The following PTCHD4 variants were observed in gnomAD, a reference collection of about 807,000 sequenced individuals.
PTCHD4 encodes the protein patched domain-containing protein 4.
In PTCHD4, 33 loss-of-function variants were observed where a neutral mutation model predicts 58.1. The ratio of observed to expected loss-of-function variants is 0.57; its 90% CI spans 0.43 to 0.76. The LOEUF (loss-of-function observed/expected upper bound fraction) is 0.76, where lower values mean the gene tolerates loss of function less well. Among genes scored for constraint, PTCHD4 ranks in the 30% least tolerant of loss-of-function variants. The pLI is 0.00. For missense variants in PTCHD4, 1,058 were observed against 1,027.1 expected (o/e 1.03, Z -0.41); for synonymous variants, 478 against 409.6 (o/e 1.17, Z -2.02).
At position 47,912,415 on chromosome 6, in the gene PTCHD4, A is replaced by G. The variant is rs183936901; in HGVS notation, c.899-32479T>C. 2.7e-3 allele frequency among the ~76,000 whole-genome samples: 409 copies of G among 152,226 alleles called. 1 individual carries two copies. The highest frequency in any genetic ancestry group is 3.1e-3 in the Non-Finnish European group (214 of 67,988). ...ACATTTTGAGTAGGAGAATTCTGTA[A>G]AACTGGCCTTGCCAATGCATTACAA... On this transcript the variant is annotated intron_variant, in intron 4 of 4. Coordinates refer to ENST00000339488, the MANE Select transcript of PTCHD4 (RefSeq NM_001384253.1).
chr6:47,891,852 A>C (rs1764391261), intron 4 of PTCHD4, among the ~76,000 whole-genome samples: 1 of 152,076 alleles, frequency 6.6e-6, no homozygotes, highest in African/African-American at 2.4e-5. Context: ...GTATTTTATA[A>C]CAAATATTTT....
At chr6:48,035,858 C>A (rs1763613803) in intron 3 of PTCHD4, among the ~76,000 whole-genome samples, 1 of 152,066 alleles carries the variant, frequency 6.6e-6, no homozygotes, top group Admixed American at 6.6e-5. Flanking sequence ...TCATAAACAC[C>A]CGTCCTGCTC....
intron 4 of PTCHD4, among the ~76,000 whole-genome samples, chr6:48,007,709 G>A (rs1762496748): frequency 6.6e-6 from 1 of 152,188 alleles, no homozygotes; most frequent in South Asian, 2.1e-4. Flanking sequence ...TATGAAGACT[G>A]TCTTGCTCAT....
At chr6:48,087,954 CTAACT>C (rs1330204424) in intron 1 of PTCHD4, among the ~76,000 whole-genome samples, 2 of 152,066 alleles carry the variant, frequency 1.3e-5, no homozygotes, top group Non-Finnish European at 2.9e-5. Flanking sequence ...ATAAAAACAA[CTAACT>C]TATCAGTAAG....
chr6:48,014,312 G>T (rs1238647980), intron 3 of PTCHD4, among the ~76,000 whole-genome samples: 1 of 152,062 alleles, frequency 6.6e-6, no homozygotes, highest in Admixed American at 6.6e-5. Context: ...AGGGATTATA[G>T]AAGAGTTTAT....
chr6:47,981,732 C>T (rs544542753), intron 4 of PTCHD4, among the ~76,000 whole-genome samples: 4 of 152,272 alleles, frequency 2.6e-5, no homozygotes, highest in South Asian at 2.1e-4. Context: ...TAAAATCTCC[C>T]TCACTAAATC....
At chr6:47,895,798 T>A (rs1407887277) in intron 4 of PTCHD4, among the ~76,000 whole-genome samples, 2 of 152,050 alleles carry the variant, frequency 1.3e-5, no homozygotes, top group African/African-American at 4.8e-5. Flanking sequence ...TTTTGCCACA[T>A]ACCCATACTT....
intron 3 of PTCHD4, among the ~76,000 whole-genome samples, chr6:48,044,532 C>G (rs1264232447): frequency 6.6e-6 from 1 of 151,756 alleles, no homozygotes; most frequent in African/African-American, 2.4e-5. Flanking sequence ...GATTGAGTGA[C>G]ACTGTGTTTT....
At position 47,856,987 on chromosome 6, in the gene PTCHD4, G is replaced by A. The variant is rs1763323397; in HGVS notation, c.*21316C>T. Among the ~76,000 whole-genome samples, 1 of 152,032 alleles carries A rather than the reference G, an allele frequency of 6.6e-6. No individual in the cohort carries two copies. The highest frequency in any genetic ancestry group is 1.9e-4 in the East Asian group (1 of 5,162). ...TGGTAATGAATCAAAACTGCCAAAA[G>A]CTGAAGCATGACAACATTGATGATC... On this transcript the variant is annotated 3_prime_UTR_variant, in exon 5 of 5. Transcript: ENST00000339488.
intron 4 of PTCHD4, among the ~76,000 whole-genome samples, chr6:47,921,800 A>G (rs978210825): frequency 6.6e-5 from 10 of 152,106 alleles, no homozygotes; most frequent in Non-Finnish European, 1.5e-4. Context: ...AGAGAAGAAT[A>G]CATTTTTATT....
intron 4 of PTCHD4, among the ~76,000 whole-genome samples, chr6:47,892,546 T>C (rs1230700482): frequency 6.6e-6 from 1 of 152,238 alleles, no homozygotes; most frequent in East Asian, 1.9e-4. Flanking sequence ...GGAGATCTTT[T>C]ATCCTATAAA....
intron 3 of PTCHD4, among the ~76,000 whole-genome samples, chr6:48,021,373 T>C (rs1763065402): frequency 6.6e-6 from 1 of 152,108 alleles, no homozygotes; most frequent in African/African-American, 2.4e-5. Context: ...TGGTGTTTTC[T>C]TTTCAAAGAA....
At chr6:48,054,292 A>G (rs530117910) in intron 3 of PTCHD4, among the ~76,000 whole-genome samples, 53 of 152,334 alleles carry the variant, frequency 3.5e-4, no homozygotes, top group African/African-American at 1.3e-3. Flanking sequence ...TATAGTCCTT[A>G]ACAAAGCAAT....
chr6:48,017,210 A>T (rs1402807753), intron 3 of PTCHD4, among the ~76,000 whole-genome samples: 3 of 152,142 alleles, frequency 2.0e-5, no homozygotes, highest in African/African-American at 2.4e-5. Context: ...AAATGAAAAT[A>T]TTGGTTATCT....
intron 4 of PTCHD4, among the ~76,000 whole-genome samples, chr6:47,904,522 A>G (rs1047294764): frequency 1.3e-5 from 2 of 152,214 alleles, no homozygotes; most frequent in Non-Finnish European, 2.9e-5. Context: ...CTTCACAGAA[A>G]AAGTTTGCCC....
At chr6:48,086,608 A>T (rs1311602529) in intron 1 of PTCHD4, among the ~76,000 whole-genome samples, 5 of 152,206 alleles carry the variant, frequency 3.3e-5, no homozygotes, top group Non-Finnish European at 2.9e-5. Context: ...TTTCAGAGCA[A>T]GTCTGCTTAC....
intron 4 of PTCHD4, among the ~76,000 whole-genome samples, chr6:47,985,898 A>G (rs979636340): frequency 6.6e-6 from 1 of 152,014 alleles, no homozygotes; most frequent in African/African-American, 2.4e-5. Flanking sequence ...ATTTTTGAAT[A>G]GAGACCAAAG....
chr6:47,936,366 G>A (rs1765999619), intron 4 of PTCHD4, among the ~76,000 whole-genome samples: 1 of 152,192 alleles, frequency 6.6e-6, no homozygotes, highest in African/African-American at 2.4e-5. Flanking sequence ...ACTCTAAAAA[G>A]TGTTTCAGTT....
intron 4 of PTCHD4, among the ~76,000 whole-genome samples, chr6:47,883,622 AT>A (rs1473248896): frequency 6.6e-6 from 1 of 152,160 alleles, no homozygotes; most frequent in African/African-American, 2.4e-5. Flanking sequence ...GTATGGAGAG[AT>A]AAAAGTTTAA....
Sources: allele counts gnomAD v4.1 joint callset (sites outside exome capture counted in the v4.1 genomes callset), GRCh38; gene constraint gnomAD v4.1.1; transcripts MANE v1.5; gene names NCBI Gene and HGNC (gene_info 2026-07-23, HGNC 2026-07-21).